SLC2A5: variants seen among roughly 807,000 people sequenced by gnomAD.
SLC2A5 encodes solute carrier family 2, facilitated glucose transporter member 5.
In SLC2A5, 56 loss-of-function variants were observed where a neutral mutation model predicts 50.3. The observed-to-expected ratio is 1.11, with a 90% CI of 0.90 to 1.39. The LOEUF is 1.39. Among genes scored for constraint, SLC2A5 ranks in the 40% most tolerant of loss-of-function variants. The pLI, the probability that SLC2A5 is intolerant of heterozygous loss-of-function variation, is 0.00. For synonymous variants in SLC2A5, 269 were observed against 281.9 expected, an observed-to-expected ratio of 0.95 and a Z score of 0.46; for missense variants, 566 against 650.1, an observed-to-expected ratio of 0.87 and a Z score of 1.41.
Position 9,040,083 on chromosome 1 carries a change from G to C in SLC2A5, c.678C>G (p.Asp226Glu). 1.3e-6 allele frequency: 2 copies of C among 1,593,956 alleles called. No homozygotes were observed. The highest frequency in any genetic ancestry group is 1.7e-6 in the Non-Finnish European group (2 of 1,169,506). Residue 226 changes from aspartate (D) to glutamate (E), a missense_variant, in exon 6 of 12, where the codon GAC becomes GAG. Coordinates refer to ENST00000377424, the MANE Select transcript of SLC2A5 (RefSeq NM_003039.3). The surrounding 1 kb of genome is among the most constrained non-coding windows in gnomAD (Gnocchi z 4.3). ...SPRYLLIQKK[D>E]EAAAKKALQT... is the part of the protein sequence containing the mutation. ...CGTTACCTTTCTTGGCGGCCGCTTC[G>C]TCTTTCTTCTGAATCAGCAGGTACC... is the stretch of plus-strand genomic sequence containing the variant.
At chr1:9,078,609 AAAG>A (rs1442054356) in intron 2 of SLC2A5, among the ~76,000 whole-genome samples, 1 of 152,252 alleles carries the variant, frequency 6.6e-6, no homozygotes, top group Admixed American at 6.5e-5. Flanking sequence ...CATTTCATTT[AAAG>A]AAGAGACAGT....
At position 9,037,787 on chromosome 1, in the gene SLC2A5, C is replaced by T. The variant is rs1412811248; in HGVS notation, c.1305G>A (p.Glu435=). 6.2e-7 allele frequency: 1 copy of T among 1,614,152 alleles called. No individual in the cohort carries two copies. The highest frequency in any genetic ancestry group is 8.5e-7 in the Non-Finnish European group (1 of 1,180,040). ...TVGLIFPFIQ[E]GLGPYSFIVF... is the part of the protein sequence containing the mutation. The stretch of plus-strand genomic sequence containing the variant: ...CAATGAAGCTGTACGGGCCGAGGCC[C>T]TCCTGCGGGAAGAGGGGCAGGTGAC... The change falls in exon 12 of 12, where the codon GAG becomes GAA. Residue 435 remains glutamate (E), a splice_region_variant and synonymous_variant. Transcript: ENST00000377424.
At chr1:9,069,483 T>G in intron 1 of SLC2A5, 21 bp downstream of exon 1, 1 of 1,613,530 alleles carries the variant, frequency 6.2e-7, no homozygotes, top group Non-Finnish European at 8.5e-7. Context: ...CTTGGCCCCT[T>G]TCCCTGAGCA....
chr1:9,060,302 C>CG (rs529215778), intron 1 of SLC2A5, among the ~76,000 whole-genome samples: 7 of 111,278 alleles, frequency 6.3e-5, no homozygotes, highest in East Asian at 2.9e-4. Flanking sequence ...CACACACACG[C>CG]CCCCCCACAT....
chr1:9,082,344 A>T (rs1642364287), intron 2 of SLC2A5, among the ~76,000 whole-genome samples: 1 of 152,214 alleles, frequency 6.6e-6, no homozygotes, highest in African/African-American at 2.4e-5. Flanking sequence ...AAAAGGGGGA[A>T]ACAGCCAAAA....
chr1:9,050,005 C>T (rs183998842), intron 3 of SLC2A5, among the ~76,000 whole-genome samples: 1 of 152,152 alleles, frequency 6.6e-6, no homozygotes, highest in East Asian at 1.9e-4. Context: ...GGCGCAGTGG[C>T]TCACGCCTGT....
rs1462028390 is a variant in SLC2A5, at chr1:9,057,592, T to C, written c.149A>G (p.Tyr50Cys). The change falls in exon 3 of 12, where the codon TAC becomes TGC. Residue 50 changes from tyrosine (Y) to cysteine (C), a missense_variant. Coordinates refer to ENST00000377424, the MANE Select transcript of SLC2A5 (RefSeq NM_003039.3). ...GGTCCTACCATAGTAAGTCTCATTG[T>C]AAAATTGTTGCATGAGCTAGGAGAC... The part of the protein sequence containing the change: ...NSPALLMQQF[Y>C]NETYYGRTGE... The C allele has an allele frequency of 9.3e-6, 15 of 1,612,070 alleles. No individual in the cohort carries two copies. The highest frequency in any genetic ancestry group is 1.3e-5 in the Non-Finnish European group (15 of 1,179,452).
At chr1:9,038,340 G>A in intron 10 of SLC2A5, 91 bp downstream of exon 10, 3 of 935,222 alleles carry the variant, frequency 3.2e-6, no homozygotes, top group Admixed American at 1.9e-5. Flanking sequence ...AGGCTGCATT[G>A]GCCATCCCTG....
Position 9,036,979 on chromosome 1 carries a change from A to C in SLC2A5, c.*607T>G, listed in dbSNP as rs2124290673. On this transcript the variant is annotated 3_prime_UTR_variant, in exon 12 of 12. Transcript: ENST00000377424. ...TGATCAGGTTCATTTTATTGACTAC[A>C]CAGAAGCAATTCCATTTTCCACTAA... The C allele has an allele frequency of 6.5e-6, 1 of 153,376 alleles. No homozygotes were observed. Among genetic ancestry groups the C allele is most frequent in the Non-Finnish European group, 1.5e-5 (1 of 68,844 alleles). 9.5% of individuals were successfully genotyped at this position (153,376 alleles called of 1,614,324 possible).
At position 9,058,155 on chromosome 1, in the gene SLC2A5, T is replaced by C; in HGVS notation, c.129A>G (p.Ala43=). The change falls in exon 2 of 12, where the codon GCA becomes GCG. Residue 43 remains alanine, a synonymous_variant. Transcript: ENST00000377424. The part of the protein sequence containing the change: ...GYNVAAVNSP[A]LLMQQFYNET... ...CTTGCTCACCACAGTGACCTACCAG[T>C]GCTGGGGAGTTGACAGCAGCCACGT... is the stretch of plus-strand genomic sequence containing the variant. 1.2e-6 allele frequency: 2 copies of C among 1,610,844 alleles called. No homozygotes were observed. The highest frequency in any genetic ancestry group is 1.7e-6 in the Non-Finnish European group (2 of 1,177,096).
At chr1:9,093,664 C>T in the SLC2A5 span, among the ~76,000 whole-genome samples, 1 of 152,144 alleles carries the variant, frequency 6.6e-6, no homozygotes, top group Non-Finnish European at 1.5e-5. Flanking sequence ...TATAAATTCC[C>T]TAATCACATC....
At chr1:9,046,665 CGTGTGTGTGTGTGT>C (rs55827239) in intron 4 of SLC2A5, among the ~76,000 whole-genome samples, 1 of 147,236 alleles carries the variant, frequency 6.8e-6, no homozygotes. Context: ...ACCTGGTTCT[CGTGTGTGTGTGTGT>C]GTGTGTGTGT....
chr1:9,077,164 C>T (rs2124472704), intron 2 of SLC2A5, among the ~76,000 whole-genome samples: 1 of 150,976 alleles, frequency 6.6e-6, no homozygotes, highest in South Asian at 2.1e-4. Flanking sequence ...CTTTGGGAGG[C>T]TGAGGCAGGC....
chr1:9,086,297 G>T (rs1480009424), intron 1 of SLC2A5, among the ~76,000 whole-genome samples: 1 of 152,092 alleles, frequency 6.6e-6, no homozygotes, highest in Non-Finnish European at 1.5e-5. Context: ...TTTAATTGCT[G>T]CGAGGCCAGC....
chr1:9,091,509 G>T (rs1051785471), upstream of SLC2A5, among the ~76,000 whole-genome samples: 2 of 152,088 alleles, frequency 1.3e-5, no homozygotes, highest in Admixed American at 1.3e-4. Flanking sequence ...CAGTCTACAA[G>T]ATATGGTCAG....
In SLC2A5 at chr1:9,047,641, AATG is replaced by A. The variant is rs773797172; in HGVS notation, c.384_386del (p.Ile130del). The A allele has an allele frequency of 1.1e-5, 17 of 1,614,072 alleles. No homozygotes were observed. The highest frequency in any genetic ancestry group is 1.3e-5 in the Non-Finnish European group (15 of 1,179,938). ...ATATTCCCACCAAAAGTCTGGAAATAATGATAAGCTCAAATGATGTGGCGACTC... is the reference window on the plus strand; with the variant it reads ...ATATTCCCACCAAAAGTCTGGAAATAATAAGCTCAAATGATGTGGCGACTC... On this transcript the variant is annotated inframe_deletion, in exon 4 of 12. Transcript: ENST00000377424.
chr1:9,076,666 G>C (rs1297389655), intron 2 of SLC2A5, among the ~76,000 whole-genome samples: 1 of 152,134 alleles, frequency 6.6e-6, no homozygotes, highest in African/African-American at 2.4e-5. Flanking sequence ...GGAAAAAACT[G>C]AGGTGAAATC....
At chr1:9,089,827 G>A (rs1163634523), upstream of SLC2A5, among the ~76,000 whole-genome samples, 1 of 152,200 alleles carries the variant, frequency 6.6e-6, no homozygotes, top group Non-Finnish European at 1.5e-5. Flanking sequence ...CATCACAGGA[G>A]GAAATCTCTT....
At chr1:9,041,741 A>G in intron 5 of SLC2A5, 44 bp downstream of exon 5, 1 of 1,613,922 alleles carries the variant, frequency 6.2e-7, no homozygotes. Flanking sequence ...GGCCAAGGGT[A>G]GTGGTGAAGG....
Sources: gnomAD v4.1 joint callset for allele counts (sites outside exome capture counted in the v4.1 genomes callset) on GRCh38, gnomAD v4.1.1 for gene constraint, Gnocchi (gnomAD v3.1) non-coding constraint, MANE v1.5 for transcripts, NCBI Gene and HGNC (gene_info 2026-07-23, HGNC 2026-07-21) for gene names.